The following GNAL variants were observed in gnomAD, a reference collection of about 807,000 sequenced individuals.
GNAL encodes G protein subunit alpha L.
GNAL carries 18 observed loss-of-function variants against 55.1 expected under a neutral mutation model. That is an observed-to-expected ratio of 0.33 (90% CI 0.23 to 0.48). The LOEUF is 0.48. Among genes scored for constraint, GNAL ranks in the 20% least tolerant of loss-of-function variants. GNAL has a pLI of 0.99. For missense variants in GNAL, 412 were observed against 614.1 expected (o/e 0.67, Z 3.48); for synonymous variants, 253 against 237.0 (o/e 1.07, Z -0.62).
chr18:11,752,190 T>A lies in GNAL; in HGVS notation c.377-663T>A. 1 of 556,794 alleles carries A rather than the reference T, an allele frequency of 1.8e-6. No homozygotes were observed. The highest frequency in any genetic ancestry group is 2.8e-6 in the Non-Finnish European group (1 of 361,978). The allele number at this position is 556,794 out of a possible 1,614,324, so 34.5% of individuals were successfully genotyped here. ...ATTCATCCAGCAGATTTTGAAACAA[T>A]TCTCGTGTAAAAAGGCATTTTACTC... On this transcript the variant is annotated intron_variant, in intron 1 of 11. Transcript: ENST00000334049. This position sits in a 1 kb window ranked among gnomAD's most constrained non-coding sequence, Gnocchi z 4.5.
intron 4 of GNAL, among the ~76,000 whole-genome samples, chr18:11,820,062 G>T (rs1415486084): frequency 6.6e-6 from 1 of 152,152 alleles, no homozygotes. Flanking sequence ...GGCTCCTAGG[G>T]TTGATATAAT....
At chr18:11,720,191 A>G (rs903019214) in intron 1 of GNAL, among the ~76,000 whole-genome samples, 7 of 152,236 alleles carry the variant, frequency 4.6e-5, no homozygotes, top group African/African-American at 1.2e-4. Flanking sequence ...TAGGATGAAT[A>G]GTTTAGGTTT....
intron 5 of GNAL, among the ~76,000 whole-genome samples, chr18:11,827,207 G>A (rs147278637): frequency 1.6e-4 from 24 of 152,290 alleles, no homozygotes; most frequent in African/African-American, 5.3e-4. Flanking sequence ...CGAGAATGGA[G>A]CGCACACCTG....
At chr18:11,694,147 G>A (rs1296019952) in intron 1 of GNAL, among the ~76,000 whole-genome samples, 1 of 152,104 alleles carries the variant, frequency 6.6e-6, no homozygotes, top group Non-Finnish European at 1.5e-5. Context: ...ATTGTGTCCA[G>A]TCAAGTGCCC....
chr18:11,816,518 C>T (rs901216544), intron 4 of GNAL, among the ~76,000 whole-genome samples: 4 of 152,162 alleles, frequency 2.6e-5, no homozygotes, highest in South Asian at 4.1e-4. Context: ...AGGATGGTCT[C>T]GATCTCCTTT....
intron 4 of GNAL, among the ~76,000 whole-genome samples, chr18:11,778,912 G>A (rs887785410): frequency 9.2e-5 from 14 of 151,998 alleles, no homozygotes; most frequent in Admixed American, 3.3e-4. Context: ...AATGAAAAAC[G>A]TTTCAACTCT....
At chr18:11,878,653 T>A (rs1027712366) in intron 11 of GNAL, among the ~76,000 whole-genome samples, 5 of 151,852 alleles carry the variant, frequency 3.3e-5, no homozygotes, top group African/African-American at 9.7e-5. Context: ...CACTGCAGCC[T>A]CCAACTCCTG....
At chr18:11,845,451 AGCATAATAAAGACT>A (rs1382271354) in intron 5 of GNAL, among the ~76,000 whole-genome samples, 1 of 150,174 alleles carries the variant, frequency 6.7e-6, no homozygotes, top group Admixed American at 6.7e-5. Context: ...AAAAAAAAGT[AGCATAATAAAGACT>A]GCTAACAAAT....
chr18:11,786,567 G>T (rs1388949444), intron 4 of GNAL, among the ~76,000 whole-genome samples: 2 of 135,442 alleles, frequency 1.5e-5, no homozygotes, highest in Non-Finnish European at 3.1e-5. Flanking sequence ...TCCTGCCACA[G>T]CCTCCCAAGT....
rs557707935 is a variant in GNAL, at chr18:11,729,686, G to A, written c.377-23167G>A. Among the ~76,000 whole-genome samples the A allele has an allele frequency of 2.6e-5, 4 of 152,230 alleles. No homozygotes were observed. The South Asian group carries it at 8.3e-4, about 32-fold the overall frequency. Reference sequence around the variant, plus strand: ...ATTTCTGTATCCTCCACACCACCCAGCAGAATCTGGCATAAAATGCTGTAA... The same window carrying A: ...ATTTCTGTATCCTCCACACCACCCAACAGAATCTGGCATAAAATGCTGTAA... On this transcript the variant is annotated intron_variant, in intron 1 of 11. Transcript: ENST00000334049.
chr18:11,758,894 C>T lies in GNAL; in HGVS notation c.624+4949C>T, dbSNP rs552282489. Among the ~76,000 whole-genome samples, 10 of 152,244 alleles carry T rather than the reference C, an allele frequency of 6.6e-5. No individual in the cohort carries two copies. In the East Asian group the frequency reaches 1.9e-3, roughly 29 times the overall value. Reference sequence around the variant, plus strand: ...CATTTATGAAATAGGAAAAATAGGCCGGGCATGGTGGCTCACACCTGTAAT... The same window carrying T: ...CATTTATGAAATAGGAAAAATAGGCTGGGCATGGTGGCTCACACCTGTAAT... On this transcript the variant is annotated intron_variant, in intron 4 of 11. Transcript: ENST00000334049.
At chr18:11,829,611 G>A (rs1010818797) in intron 5 of GNAL, among the ~76,000 whole-genome samples, 3 of 152,296 alleles carry the variant, frequency 2.0e-5, no homozygotes, top group African/African-American at 2.4e-5. Context: ...CTCAGACCAC[G>A]AGACTCGTGT....
chr18:11,862,349 A>G, intron 5 of GNAL, 46 bp from the exon 6 acceptor site: 9 of 1,501,254 alleles, frequency 6.0e-6, no homozygotes, highest in East Asian at 2.3e-5. Context: ...CCCCAGGGGA[A>G]AGTGGGCAGA....
chr18:11,779,709 C>G (rs189771545), intron 4 of GNAL, among the ~76,000 whole-genome samples: 1 of 152,186 alleles, frequency 6.6e-6, no homozygotes, highest in African/African-American at 2.4e-5. Flanking sequence ...AACACCTCCC[C>G]TAGGCTGGGG....
chr18:11,821,632 C>G (rs1035856251), intron 4 of GNAL, among the ~76,000 whole-genome samples: 1 of 152,238 alleles, frequency 6.6e-6, no homozygotes, highest in African/African-American at 2.4e-5. Context: ...CAGCAGAAGC[C>G]GAAGCCTGAA....
intron 4 of GNAL, among the ~76,000 whole-genome samples, chr18:11,800,722 G>A (rs2034501575): frequency 6.6e-6 from 1 of 152,230 alleles, no homozygotes; most frequent in Non-Finnish European, 1.5e-5. Context: ...GGGCTGTCAT[G>A]TGGAAGGTGC....
rs79989716 is a variant in GNAL, at chr18:11,708,293, A to T, written c.376+18354A>T. ...ATTGTAGGATTATTAAATGGCCCTA[A>T]TTTCAATACTGTTATGTCTCAGGGC... On this transcript the variant is annotated intron_variant, in intron 1 of 11. Transcript: ENST00000334049. Among the ~76,000 whole-genome samples, 25 of 152,296 alleles carry T rather than the reference A, an allele frequency of 1.6e-4. No individual in the cohort carries two copies. In the East Asian group the frequency reaches 4.8e-3, roughly 29 times the overall value.
rs893228497 is a variant in GNAL, at chr18:11,758,559, A to G, written c.624+4614A>G. ...AGAATAATGTGAAATCTTTGGAGAC[A>G]AGGTCAGCATATGTTAAATTTTAAT... On this transcript the variant is annotated intron_variant, in intron 4 of 11. Coordinates refer to ENST00000334049, the MANE Select transcript of GNAL (RefSeq NM_182978.4). Among the ~76,000 whole-genome samples, 5 of 152,254 alleles carry G rather than the reference A, an allele frequency of 3.3e-5. No individual in the cohort carries two copies. The South Asian group carries it at 1.0e-3, about 31-fold the overall frequency.
At chr18:11,755,009 T>C (rs1446167600) in intron 4 of GNAL, among the ~76,000 whole-genome samples, 1 of 151,722 alleles carries the variant, frequency 6.6e-6, no homozygotes, top group East Asian at 1.9e-4. Flanking sequence ...TGTGTGTGTG[T>C]GTGTGTGTGT....
Sources: gnomAD v4.1 joint callset for allele counts (sites outside exome capture counted in the v4.1 genomes callset) on GRCh38, gnomAD v4.1.1 for gene constraint, Gnocchi (gnomAD v3.1) non-coding constraint, MANE v1.5 for transcripts, NCBI Gene and HGNC (gene_info 2026-07-23, HGNC 2026-07-21) for gene names.